The following ARHGAP35 variants were observed in gnomAD, a reference collection of about 807,000 sequenced individuals.
The protein encoded by ARHGAP35 is Rho GTPase activating protein 35, also known as rho GTPase-activating protein 35.
In ARHGAP35, 15 loss-of-function variants were observed where a neutral mutation model predicts 111.1. The observed-to-expected ratio is 0.13, with a 90% confidence interval of 0.09 to 0.21. The LOEUF is 0.21. Among genes scored for constraint, ARHGAP35 ranks in the 10% least tolerant of loss-of-function variants. The probability of loss-of-function intolerance (pLI) is 1.00; values close to 1 mark genes in which losing one functional copy is unlikely to be tolerated. For synonymous variants in ARHGAP35, 643 were observed against 710.3 expected (o/e 0.91, Z 1.51); for missense variants, 1,262 against 1,873.0 (o/e 0.67, Z 6.02).
chr19:46,935,410 T>C (rs571813203), intron 2 of ARHGAP35, among the ~76,000 whole-genome samples: 1 of 152,350 alleles, frequency 6.6e-6, no homozygotes, highest in Admixed American at 6.5e-5. Context: ...CTTGTGTACA[T>C]TATATTCTGA....
chr19:46,989,350 G>T lies in ARHGAP35; in HGVS notation c.3905-194G>T. On this transcript the variant is annotated intron_variant, in intron 4 of 6. Transcript: ENST00000672722. This position sits in a 1 kb window ranked among gnomAD's most constrained non-coding sequence, Gnocchi z 5.3. ...GGCAGTTCAGCAGTCTCGGAAAGAG[G>T]TGCTGGGGCCAGCCCATGCCTGAAC... 1.6e-6 allele frequency: 1 copy of T among 620,014 alleles called. No homozygotes were observed. Among genetic ancestry groups the T allele is most frequent in the Non-Finnish European group, 2.7e-6 (1 of 369,120 alleles). The allele number at this position is 620,014 out of a possible 1,614,324, so 38.4% of individuals were successfully genotyped here. A position where few individuals can be genotyped will look rare whatever the true frequency, so the allele number is the denominator to read the frequency against.
intron 3 of ARHGAP35, among the ~76,000 whole-genome samples, chr19:46,961,696 G>A (rs532824662): frequency 2.4e-4 from 37 of 152,300 alleles, no homozygotes; most frequent in Admixed American, 1.0e-3. Flanking sequence ...TTAGGAGGCC[G>A]AGGCAGGTGG....
At chr19:46,900,469 C>A (rs1036086801) in intron 1 of ARHGAP35, among the ~76,000 whole-genome samples, 2 of 152,204 alleles carry the variant, frequency 1.3e-5, no homozygotes, top group Non-Finnish European at 1.5e-5. Flanking sequence ...GATCCGCCCA[C>A]CTTGGCCTCC....
intron 1 of ARHGAP35, among the ~76,000 whole-genome samples, chr19:46,910,581 C>A (rs1454402077): frequency 1.3e-5 from 2 of 148,408 alleles, no homozygotes; most frequent in Non-Finnish European, 3.0e-5. Flanking sequence ...CGTGAGCCAC[C>A]ACACCTGGCC....
At chr19:46,940,716 A>G (rs2056341757) in intron 3 of ARHGAP35, among the ~76,000 whole-genome samples, 1 of 151,818 alleles carries the variant, frequency 6.6e-6, no homozygotes, top group South Asian at 2.1e-4. Flanking sequence ...CGACCTCCCA[A>G]AGTGCTGGCA....
chr19:46,972,117 C>T (rs11670036), intron 3 of ARHGAP35, among the ~76,000 whole-genome samples: 6,006 of 152,194 alleles, frequency 0.039, 184 homozygotes, highest in East Asian at 0.16. Context: ...TCAAGCGATC[C>T]CCCACCTCAG....
chr19:46,924,919 CT>C (rs1160448467), intron 2 of ARHGAP35, among the ~76,000 whole-genome samples: 3 of 152,236 alleles, frequency 2.0e-5, no homozygotes, highest in Non-Finnish European at 2.9e-5. Context: ...GCAAGCCAGG[CT>C]TTAAAGAGCA....
At chr19:46,968,746 T>G (rs1265426450) in intron 3 of ARHGAP35, among the ~76,000 whole-genome samples, 1 of 152,154 alleles carries the variant, frequency 6.6e-6, no homozygotes, top group Non-Finnish European at 1.5e-5. Context: ...GCCCATGATC[T>G]CATTTACACA....
At chr19:46,961,287 C>T (rs745850626) in intron 3 of ARHGAP35, among the ~76,000 whole-genome samples, 18 of 152,176 alleles carry the variant, frequency 1.2e-4, no homozygotes, top group Non-Finnish European at 2.2e-4. Flanking sequence ...GCTATCTATA[C>T]ATGTGTAGAC....
At chr19:46,873,594 C>T (rs1355300142) in intron 1 of ARHGAP35, among the ~76,000 whole-genome samples, 1 of 148,550 alleles carries the variant, frequency 6.7e-6, no homozygotes, top group East Asian at 2.0e-4. Context: ...GCTGAGATCG[C>T]GCCACTGCAC....
In ARHGAP35 at chr19:46,962,522, G is replaced by T. The variant is rs945285751; in HGVS notation, c.3826+25114G>T. On this transcript the variant is annotated intron_variant, in intron 3 of 6. Coordinates refer to ENST00000672722, the MANE Select transcript of ARHGAP35 (RefSeq NM_004491.5). ...TTTAGGGCAGAAATTCTAGCACAAG[G>T]CCTCACACCCAGGCAGTAGACAAGG... 5.3e-5 allele frequency among the ~76,000 whole-genome samples: 8 copies of T among 152,366 alleles called. No individual in the cohort carries two copies. The East Asian group carries it at 1.2e-3, about 22-fold the overall frequency.
intron 1 of ARHGAP35, among the ~76,000 whole-genome samples, chr19:46,875,789 T>C (rs754172331): frequency 3.3e-5 from 5 of 152,164 alleles, no homozygotes; most frequent in Non-Finnish European, 7.3e-5. Context: ...GGCGGCGTGA[T>C]GAAATTTTGG....
At chr19:46,913,913 G>A (rs2056151225) in intron 1 of ARHGAP35, among the ~76,000 whole-genome samples, 1 of 152,154 alleles carries the variant, frequency 6.6e-6, no homozygotes, top group Non-Finnish European at 1.5e-5. Flanking sequence ...TAAAGACATT[G>A]TGAAGTCTGG....
intron 3 of ARHGAP35, among the ~76,000 whole-genome samples, chr19:46,959,947 T>C (rs2056468572): frequency 6.6e-6 from 1 of 151,216 alleles, no homozygotes; most frequent in Non-Finnish European, 1.5e-5. Flanking sequence ...AAAAAATTTT[T>C]TTTTTTTTTT....
rs1187475057 is a variant in ARHGAP35 at position 47,004,216 on chromosome 19, C to G, written c.*3528C>G. ...CTCTGAGGTGTAACGGGGGTGGGCT[C>G]CCTCCCTCGGAGGACATCGTCTGTG... On this transcript the variant is annotated 3_prime_UTR_variant, in exon 7 of 7. Transcript: ENST00000672722. 6.6e-6 allele frequency: 1 copy of G among 152,194 alleles called. No homozygotes were observed. Among genetic ancestry groups the G allele is most frequent in the Non-Finnish European group, 1.5e-5 (1 of 68,060 alleles). The allele number at this position is 152,194 out of a possible 1,614,324, so 9.4% of individuals were successfully genotyped here.
Position 46,926,696 on chromosome 19 carries a change from G to A in ARHGAP35, c.3681+4340G>A, listed in dbSNP as rs560387440. ...ACTCACTGCAGCAACCACATGACAA[G>A]ACAACCTATTGAAAAGCTAACCAAT... On this transcript the variant is annotated intron_variant, in intron 2 of 6. Coordinates refer to ENST00000672722, the MANE Select transcript of ARHGAP35 (RefSeq NM_004491.5). The surrounding 1 kb of genome is among the most constrained non-coding windows in gnomAD (Gnocchi z 4.1). Among the ~76,000 whole-genome samples the A allele has an allele frequency of 2.6e-5, 4 of 152,106 alleles. No individual in the cohort carries two copies. The highest frequency in any genetic ancestry group is 5.9e-5 in the Non-Finnish European group (4 of 67,988).
At position 46,922,320 on chromosome 19, in the gene ARHGAP35, G is replaced by A. The variant is rs185857289; in HGVS notation, c.3645G>A (p.Arg1215=). ...IPYETDEDPR[R]RNILRSLRRN... ...ACGAAACAGACGAAGACCCGCGGAGGAGGAATATTCTTCGCAGCCTAAGGA... is the reference window on the plus strand; with the variant it reads ...ACGAAACAGACGAAGACCCGCGGAGAAGGAATATTCTTCGCAGCCTAAGGA... Residue 1215 remains arginine, a synonymous_variant, in exon 2 of 7, where the codon AGG becomes AGA. Coordinates refer to ENST00000672722, the MANE Select transcript of ARHGAP35 (RefSeq NM_004491.5). The surrounding 1 kb of genome is among the most constrained non-coding windows in gnomAD (Gnocchi z 4.0). 52 of 1,611,450 alleles carry A rather than the reference G, an allele frequency of 3.2e-5. 1 individual carries two copies. In the African/African-American group the frequency reaches 4.5e-4, roughly 14 times the overall value.
chr19:46,966,662 G>A (rs1396155872), intron 3 of ARHGAP35, among the ~76,000 whole-genome samples: 2 of 152,070 alleles, frequency 1.3e-5, no homozygotes, highest in African/African-American at 2.4e-5. Flanking sequence ...AGTCATTACA[G>A]TTGTTTGTCT....
intron 3 of ARHGAP35, among the ~76,000 whole-genome samples, chr19:46,977,920 G>A (rs961868505): frequency 1.2e-4 from 19 of 152,246 alleles, no homozygotes; most frequent in African/African-American, 4.3e-4. Flanking sequence ...CCAGAGTGCC[G>A]GCACTGCGTA....
Sources: gnomAD v4.1 joint callset for allele counts (sites outside exome capture counted in the v4.1 genomes callset) on GRCh38, gnomAD v4.1.1 for gene constraint, Gnocchi (gnomAD v3.1) non-coding constraint, MANE v1.5 for transcripts, NCBI Gene and HGNC (gene_info 2026-07-23, HGNC 2026-07-21) for gene names.